The following PCDHGC3 variants were observed in gnomAD, a reference collection of about 807,000 sequenced individuals.
PCDHGC3 encodes protocadherin gamma subfamily C, 3.
PCDHGC3 carries 26 observed loss-of-function variants against 59.2 expected under a neutral mutation model. The ratio of observed to expected loss-of-function variants is 0.44; its 90% CI spans 0.32 to 0.61. The LOEUF is 0.61. Among genes scored for constraint, PCDHGC3 ranks in the 20% least tolerant of loss-of-function variants. The pLI is 0.05. For synonymous variants in PCDHGC3, 487 were observed against 519.7 expected (o/e 0.94, Z 0.86); for missense variants, 1,080 against 1,221.8 (o/e 0.88, Z 1.73).
At chr5:141,503,902 C>T (rs552180745) in intron 2 of PCDHGC3, among the ~76,000 whole-genome samples, 7 of 152,328 alleles carry the variant, frequency 4.6e-5, no homozygotes, top group African/African-American at 1.7e-4. Context: ...AATATGCACA[C>T]ACACAACGCA....
rs1365133001 is a variant in PCDHGC3 at position 141,477,683 on chromosome 5, G to A, written c.1567G>A (p.Val523Met). ...TGACAATGGCATAGTGTCATCCTTA[G>A]TGCCCCTAGACTATGAGGATCGGCG... ...NRDNGIVSSL[V>M]PLDYEDRREF... The change falls in exon 1 of 4, where the codon GTG (valine) becomes ATG (methionine). Residue 523 changes from valine (V) to methionine (M), a missense_variant. Val to Met is a conservative substitution (Grantham distance 21). Transcript: ENST00000308177. This position sits in a 1 kb window ranked among gnomAD's most constrained non-coding sequence, Gnocchi z 4.9. 1.2e-6 allele frequency: 2 copies of A among 1,614,176 alleles called. No homozygotes were observed. The highest frequency in any genetic ancestry group is 3.3e-5 in the Admixed American group (2 of 60,028).
chr5:141,490,618 A>G lies in PCDHGC3; in HGVS notation c.2431-4189A>G, dbSNP rs1463273520. On this transcript the variant is annotated intron_variant, in intron 1 of 3. Transcript: ENST00000308177. The surrounding 1 kb of genome is among the most constrained non-coding windows in gnomAD (Gnocchi z 5.4). ...ACCCCGCTTCAACCAGCAGCTTTAC[A>G]CTGCTTACATCCTAGAAAACCGGCC... 4.3e-6 allele frequency: 7 copies of G among 1,613,986 alleles called. No homozygotes were observed. Among genetic ancestry groups the G allele is most frequent in the Admixed American group, 1.7e-5 (1 of 59,996 alleles).
Position 141,495,011 on chromosome 5 carries a change from G to A in PCDHGC3, c.2489+146G>A, listed in dbSNP as rs2099758277. On this transcript the variant is annotated intron_variant, in intron 2 of 3. Coordinates refer to ENST00000308177, the MANE Select transcript of PCDHGC3 (RefSeq NM_002588.4). ...CCAGGGAGGTCTTGGTGTGCGGGGG[G>A]CTGGCACACAGACCCCGGAAGGAAG... is the stretch of plus-strand genomic sequence containing the variant. 4.6e-6 allele frequency: 7 copies of A among 1,512,044 alleles called. No individual in the cohort carries two copies. In the East Asian group the frequency reaches 1.5e-4, roughly 32 times the overall value. 93.7% of individuals were successfully genotyped at this position (1,512,044 alleles called of 1,614,324 possible).
rs2099412065 is a variant in PCDHGC3, at chr5:141,477,502, C to T, written c.1386C>T (p.Tyr462=). The change falls in exon 1 of 4, where the codon TAC becomes TAT. Residue 462 remains tyrosine (Y), a synonymous_variant. Coordinates refer to ENST00000308177, the MANE Select transcript of PCDHGC3 (RefSeq NM_002588.4). This position sits in a 1 kb window ranked among gnomAD's most constrained non-coding sequence, Gnocchi z 4.9. ...DNPPQSSQSS[Y]DVYIEENNLP... ...CTCCACAATCTTCTCAATCTTCCTACGACGTTTACATTGAAGAAAACAACC... is the reference window on the plus strand; with the variant it reads ...CTCCACAATCTTCTCAATCTTCCTATGACGTTTACATTGAAGAAAACAACC... 2 of 1,614,144 alleles carry T rather than the reference C, an allele frequency of 1.2e-6. No homozygotes were observed. Among genetic ancestry groups the T allele is most frequent in the Non-Finnish European group, 1.7e-6 (2 of 1,180,018 alleles).
chr5:141,499,635 A>C (rs578081078), intron 2 of PCDHGC3, among the ~76,000 whole-genome samples: 16 of 152,136 alleles, frequency 1.1e-4, no homozygotes, highest in African/African-American at 3.6e-4. Context: ...CTTTTGAAGC[A>C]AATCTCAGAC....
chr5:141,506,935 G>A (rs1375246477), intron 3 of PCDHGC3, among the ~76,000 whole-genome samples: 3 of 152,116 alleles, frequency 2.0e-5, no homozygotes, highest in African/African-American at 7.2e-5. Context: ...AACTTTAGGG[G>A]CCTCCTGTCA....
intron 2 of PCDHGC3, among the ~76,000 whole-genome samples, chr5:141,499,214 C>T (rs1228581603): frequency 6.6e-6 from 1 of 152,074 alleles, no homozygotes; most frequent in Non-Finnish European, 1.5e-5. Flanking sequence ...TAACCCAGGC[C>T]CTGCCCTGCA....
In PCDHGC3 at chr5:141,490,598, G is replaced by A. The variant is rs141484080; in HGVS notation, c.2431-4209G>A. On this transcript the variant is annotated intron_variant, in intron 1 of 3. Transcript: ENST00000308177. This position sits in a 1 kb window ranked among gnomAD's most constrained non-coding sequence, Gnocchi z 5.4. ...TCAGATGTCAATGACAATGCACCCC[G>A]CTTCAACCAGCAGCTTTACACTGCT... 309 of 1,614,062 alleles carry A rather than the reference G, an allele frequency of 1.9e-4. 2 individuals carry two copies. Among genetic ancestry groups the A allele is most frequent in the Admixed American group, 5.0e-4 (30 of 60,018 alleles).
At chr5:141,480,703 C>G (rs577131684) in intron 1 of PCDHGC3, among the ~76,000 whole-genome samples, 1 of 152,134 alleles carries the variant, frequency 6.6e-6, no homozygotes, top group African/African-American at 2.4e-5. Context: ...GGCCACACCC[C>G]GACAAATGAA....
At chr5:141,484,383 A>C (rs968059260) in intron 1 of PCDHGC3, among the ~76,000 whole-genome samples, 1 of 152,194 alleles carries the variant, frequency 6.6e-6, no homozygotes, top group Non-Finnish European at 1.5e-5. Context: ...ATGTCTGAAT[A>C]AGAAAGGTTT....
chr5:141,505,883 T>C (rs1225759976), intron 3 of PCDHGC3, among the ~76,000 whole-genome samples: 1 of 152,118 alleles, frequency 6.6e-6, no homozygotes, highest in East Asian at 1.9e-4. Flanking sequence ...GTTGTAGAGA[T>C]TAAATGAGAT....
At chr5:141,505,028 G>A (rs2099842951) in intron 2 of PCDHGC3, among the ~76,000 whole-genome samples, 1 of 152,164 alleles carries the variant, frequency 6.6e-6, no homozygotes, top group Admixed American at 6.5e-5. Flanking sequence ...CTGGCACAGT[G>A]GCAGGTGCCT....
At position 141,477,781 on chromosome 5, in the gene PCDHGC3, A is replaced by G; in HGVS notation, c.1665A>G (p.Ile555Met). 6.2e-7 allele frequency: 1 copy of G among 1,614,036 alleles called. No homozygotes were observed. Among genetic ancestry groups the G allele is most frequent in the South Asian group, 1.1e-5 (1 of 91,090 alleles). Reference sequence around the variant, plus strand: ...TAGCCACCAACATCAGCGTGAACATATTTGTCACTGATCGCAATGACAATG... The same window carrying G: ...TAGCCACCAACATCAGCGTGAACATGTTTGTCACTGATCGCAATGACAATG... ...PVLATNISVNIFVTDRNDNAP... is the reference protein window; with the variant it reads ...PVLATNISVNMFVTDRNDNAP... The change falls in exon 1 of 4, where the codon ATA becomes ATG. Residue 555 changes from isoleucine (I) to methionine (M), a missense_variant. Physicochemically the swap from Ile to Met is conservative, Grantham distance 10. Coordinates refer to ENST00000308177, the MANE Select transcript of PCDHGC3 (RefSeq NM_002588.4). The surrounding 1 kb of genome is among the most constrained non-coding windows in gnomAD (Gnocchi z 4.9).
In PCDHGC3 at chr5:141,477,844, G is replaced by A. The variant is rs748180474; in HGVS notation, c.1728G>A (p.Ser576=). Residue 576 remains serine, a synonymous_variant, in exon 1 of 4, where the codon TCG becomes TCA. Coordinates refer to ENST00000308177, the MANE Select transcript of PCDHGC3 (RefSeq NM_002588.4). This position sits in a 1 kb window ranked among gnomAD's most constrained non-coding sequence, Gnocchi z 4.9. ...QVLYPRPGGS[S]VEMLPRGTSA... is the part of the protein sequence containing the mutation. ...TATATCCTCGGCCAGGTGGGAGCTC[G>A]GTGGAGATGCTGCCTCGAGGTACCT... The A allele has an allele frequency of 6.2e-7, 1 of 1,613,394 alleles. No individual in the cohort carries two copies.
At chr5:141,506,934 G>A (rs187503673) in intron 3 of PCDHGC3, among the ~76,000 whole-genome samples, 54 of 152,232 alleles carry the variant, frequency 3.5e-4, no homozygotes, top group African/African-American at 1.3e-3. Flanking sequence ...AAACTTTAGG[G>A]GCCTCCTGTC....
In PCDHGC3 at chr5:141,485,423, C is replaced by A; in HGVS notation, c.2430+6877C>A. On this transcript the variant is annotated intron_variant, in intron 1 of 3. Transcript: ENST00000308177. This position sits in a 1 kb window ranked among gnomAD's most constrained non-coding sequence, Gnocchi z 5.7. Reference sequence around the variant, plus strand: ...CCGTGTGGATTTGGACAGCGGAGCCCTGCTCATCAAGAACCCAATCGACCG... The same window carrying A: ...CCGTGTGGATTTGGACAGCGGAGCCATGCTCATCAAGAACCCAATCGACCG... 1 of 1,614,204 alleles carries A rather than the reference C, an allele frequency of 6.2e-7. No homozygotes were observed. The highest frequency in any genetic ancestry group is 8.5e-7 in the Non-Finnish European group (1 of 1,180,036).
At chr5:141,482,457 C>T (rs1279922250) in intron 1 of PCDHGC3, among the ~76,000 whole-genome samples, 3 of 147,484 alleles carry the variant, frequency 2.0e-5, no homozygotes, top group Non-Finnish European at 3.0e-5. Context: ...TATTAGCATC[C>T]CTATGTGCCA....
intron 1 of PCDHGC3, among the ~76,000 whole-genome samples, chr5:141,484,569 AGACT>A (rs1376518478): frequency 1.3e-5 from 2 of 152,106 alleles, no homozygotes; most frequent in African/African-American, 2.4e-5. Context: ...CAATACAATC[AGACT>A]GAGACGGAAG....
At position 141,477,681 on chromosome 5, in the gene PCDHGC3, T is replaced by C; in HGVS notation, c.1565T>C (p.Leu522Ser). The change falls in exon 1 of 4, where the codon TTA (leucine) becomes TCA (serine). Residue 522 changes from leucine to serine, a missense_variant. Leu to Ser is a moderately radical substitution (Grantham distance 145, BLOSUM62 -2). Coordinates refer to ENST00000308177, the MANE Select transcript of PCDHGC3 (RefSeq NM_002588.4). The surrounding 1 kb of genome is among the most constrained non-coding windows in gnomAD (Gnocchi z 4.9). ...INRDNGIVSS[L>S]VPLDYEDRRE... The stretch of plus-strand genomic sequence containing the variant: ...CGTGACAATGGCATAGTGTCATCCT[T>C]AGTGCCCCTAGACTATGAGGATCGG... 6.2e-7 allele frequency: 1 copy of C among 1,614,180 alleles called. No individual in the cohort carries two copies. The highest frequency in any genetic ancestry group is 8.5e-7 in the Non-Finnish European group (1 of 1,180,046).
Sources: allele counts gnomAD v4.1 joint callset (sites outside exome capture counted in the v4.1 genomes callset), GRCh38; gene constraint gnomAD v4.1.1; non-coding constraint Gnocchi (gnomAD v3.1); transcripts MANE v1.5; gene names NCBI Gene and HGNC (gene_info 2026-07-23, HGNC 2026-07-21).